C1GALT1: variants seen among roughly 807,000 people sequenced by gnomAD.
The protein encoded by C1GALT1 is core 1 synthase, glycoprotein-N-acetylgalactosamine 3-beta-galactosyltransferase 1, also known as glycoprotein-N-acetylgalactosamine 3-beta-galactosyltransferase 1.
C1GALT1 carries 11 observed loss-of-function variants against 31.0 expected under a neutral mutation model. The observed-to-expected ratio is 0.36, with a 90% CI of 0.22 to 0.59. C1GALT1 has a LOEUF of 0.59. C1GALT1 is among the 20% of genes least tolerant of loss of function. The pLI is 0.79. For missense variants in C1GALT1, 424 were observed against 425.2 expected (o/e 1.00, Z 0.03); for synonymous variants, 175 against 143.6 (o/e 1.22, Z -1.56).
upstream of C1GALT1, among the ~76,000 whole-genome samples, chr7:7,180,496 A>T (rs1471935649): frequency 1.3e-5 from 2 of 150,760 alleles, no homozygotes; most frequent in Non-Finnish European, 3.0e-5. Context: ...ACTTTTAAAA[A>T]TGATGTTATT....
At chr7:7,202,038 A>G (rs1224131594) in intron 1 of C1GALT1, among the ~76,000 whole-genome samples, 1 of 152,036 alleles carries the variant, frequency 6.6e-6, no homozygotes, top group Non-Finnish European at 1.5e-5. Flanking sequence ...TTCTTCCTTT[A>G]TCCCTATATT....
chr7:7,203,577 T>C (rs1228224712), intron 1 of C1GALT1, among the ~76,000 whole-genome samples: 3 of 152,166 alleles, frequency 2.0e-5, no homozygotes, highest in Non-Finnish European at 4.4e-5. Context: ...AATCTTTTAA[T>C]ATGCTGCTGA....
chr7:7,217,618 G>C (rs184990065), intron 1 of C1GALT1, among the ~76,000 whole-genome samples: 9 of 152,234 alleles, frequency 5.9e-5, no homozygotes, highest in African/African-American at 2.2e-4. Context: ...GAAAACTATT[G>C]AAAACTTAAG....
At chr7:7,218,352 A>G (rs1163310601) in intron 1 of C1GALT1, among the ~76,000 whole-genome samples, 1 of 152,200 alleles carries the variant, frequency 6.6e-6, no homozygotes, top group Non-Finnish European at 1.5e-5. Flanking sequence ...GTTGGATTTA[A>G]TTTTGTGGCA....
chr7:7,178,751 C>A (rs1331668897), upstream of C1GALT1, among the ~76,000 whole-genome samples: 2 of 152,176 alleles, frequency 1.3e-5, no homozygotes, highest in Non-Finnish European at 2.9e-5. Flanking sequence ...ATTCAAACAA[C>A]AAATAATTGA....
At chr7:7,157,753 C>A (rs936673478) in intron 2 of C1GALT1, among the ~76,000 whole-genome samples, 1 of 152,142 alleles carries the variant, frequency 6.6e-6, no homozygotes, top group South Asian at 2.1e-4. Flanking sequence ...ATTTTCTTTA[C>A]CACCAAACTT....
At chr7:7,160,157 A>G (rs1302958988) in intron 2 of C1GALT1, among the ~76,000 whole-genome samples, 4 of 151,974 alleles carry the variant, frequency 2.6e-5, no homozygotes, top group African/African-American at 9.7e-5. Flanking sequence ...ACCTTTCCAC[A>G]TTTTATATTG....
chr7:7,220,392 C>T (rs1361662447), intron 1 of C1GALT1, among the ~76,000 whole-genome samples: 1 of 152,218 alleles, frequency 6.6e-6, no homozygotes, highest in Non-Finnish European at 1.5e-5. Context: ...TGAAACTTCT[C>T]CCAGTCCCCA....
chr7:7,217,052 A>G (rs1782277493), intron 1 of C1GALT1, among the ~76,000 whole-genome samples: 1 of 152,186 alleles, frequency 6.6e-6, no homozygotes, highest in Non-Finnish European at 1.5e-5. Context: ...GGAAGAGAGT[A>G]TTGAGATTAT....
At chr7:7,185,089 G>A (rs1780752127) in intron 1 of C1GALT1, among the ~76,000 whole-genome samples, 1 of 152,030 alleles carries the variant, frequency 6.6e-6, no homozygotes. Flanking sequence ...AATAGGAAGA[G>A]GGAGAAAAAA....
At chr7:7,172,547 T>C (rs1324024568) in intron 2 of C1GALT1, among the ~76,000 whole-genome samples, 1 of 152,162 alleles carries the variant, frequency 6.6e-6, no homozygotes, top group African/African-American at 2.4e-5. Context: ...TTTCTGCCCC[T>C]CTCTTTGTCA....
chr7:7,175,798 T>C (rs1217543824), intron 2 of C1GALT1, among the ~76,000 whole-genome samples: 1 of 152,146 alleles, frequency 6.6e-6, no homozygotes, highest in Non-Finnish European at 1.5e-5. Context: ...ACTTGGTTTC[T>C]GCTGAGGGCT....
chr7:7,194,473 A>G (rs111851161), intron 1 of C1GALT1, among the ~76,000 whole-genome samples: 3 of 151,972 alleles, frequency 2.0e-5, no homozygotes, highest in African/African-American at 7.2e-5. Context: ...GTACATCACA[A>G]TTATTGACTT....
At chr7:7,186,223 G>T (rs752394293) in intron 1 of C1GALT1, among the ~76,000 whole-genome samples, 2 of 152,128 alleles carry the variant, frequency 1.3e-5, no homozygotes, top group African/African-American at 2.4e-5. Context: ...TGAACCCTTA[G>T]TACCCAGTCA....
intron 2 of C1GALT1, among the ~76,000 whole-genome samples, chr7:7,176,413 T>A (rs1780506827): frequency 6.6e-6 from 1 of 152,208 alleles, no homozygotes; most frequent in Admixed American, 6.5e-5. Flanking sequence ...TAAAGAAACT[T>A]CAACTATTTC....
At chr7:7,204,095 CTGTTTTTTTTTTTTTGTTTTTT>C (rs1469999011) in intron 1 of C1GALT1, among the ~76,000 whole-genome samples, 4 of 97,778 alleles carry the variant, frequency 4.1e-5, no homozygotes, top group Non-Finnish European at 5.9e-5. Context: ...CCCTCCTCTT[CTGTTTTTTTTTTTTTGTTTTTT>C]TGTTTTTTTT....
chr7:7,212,946 A>G (rs1782073137), intron 1 of C1GALT1, among the ~76,000 whole-genome samples: 1 of 152,224 alleles, frequency 6.6e-6, no homozygotes, highest in African/African-American at 2.4e-5. Context: ...AATTTTGTTT[A>G]CAGTAGTATA....
intron 2 of C1GALT1, among the ~76,000 whole-genome samples, chr7:7,166,724 T>A (rs1163060807): frequency 6.6e-6 from 1 of 152,210 alleles, no homozygotes; most frequent in African/African-American, 2.4e-5. Flanking sequence ...AAGACTACAT[T>A]TTTTAAAAAT....
intron 1 of C1GALT1, among the ~76,000 whole-genome samples, chr7:7,184,182 T>A (rs1780716530): frequency 6.6e-6 from 1 of 152,176 alleles, no homozygotes; most frequent in South Asian, 2.1e-4. Flanking sequence ...ACAGTTTAAG[T>A]GAATATAAAG....
Sources: gnomAD v4.1 joint callset for allele counts (sites outside exome capture counted in the v4.1 genomes callset) on GRCh38, gnomAD v4.1.1 for gene constraint, MANE v1.5 for transcripts, NCBI Gene and HGNC (gene_info 2026-07-23, HGNC 2026-07-21) for gene names.